Variants in TMEM45A observed in about 807,000 individuals in gnomAD.
The protein encoded by TMEM45A is DNA polymerase-transactivated protein 4.
In TMEM45A, 25 loss-of-function variants were observed where a neutral mutation model predicts 32.0. The observed-to-expected ratio is 0.78, with a 90% CI of 0.57 to 1.09. TMEM45A has a LOEUF of 1.09. Ranked by LOEUF, TMEM45A falls within the 50% of genes least tolerant of loss-of-function variation. The pLI is 0.00. For synonymous variants in TMEM45A, 122 were observed against 114.8 expected, an observed-to-expected ratio of 1.06 and a Z score of -0.40; for missense variants, 302 against 325.0, an observed-to-expected ratio of 0.93 and a Z score of 0.54.
intron 3 of TMEM45A, among the ~76,000 whole-genome samples, chr3:100,557,651 C>G (rs537703440): frequency 1.3e-5 from 2 of 152,176 alleles, no homozygotes; most frequent in South Asian, 2.1e-4. Context: ...TTCCTACTCA[C>G]CTTGCCTCTG....
At chr3:100,557,028 G>T (rs1706236318) in intron 3 of TMEM45A, 56 bp downstream of exon 3, 1 of 1,544,352 alleles carries the variant, frequency 6.5e-7, no homozygotes, top group African/African-American at 1.4e-5. Context: ...CATTTATGTA[G>T]CCCTTCATAT....
intron 1 of TMEM45A, among the ~76,000 whole-genome samples, chr3:100,526,451 A>G (rs1705546026): frequency 6.6e-6 from 1 of 152,166 alleles, no homozygotes; most frequent in Non-Finnish European, 1.5e-5. Context: ...AATATTAACA[A>G]CAGCTCAGGT....
chr3:100,500,431 T>C (rs1707993145), intron 1 of TMEM45A, among the ~76,000 whole-genome samples: 1 of 151,588 alleles, frequency 6.6e-6, no homozygotes, highest in South Asian at 2.1e-4. Flanking sequence ...AATGTTCTTT[T>C]TCTATAACAC....
chr3:100,576,862 C>T lies in TMEM45A; in HGVS notation c.735-63C>T, dbSNP rs114238112. On this transcript the variant is annotated intron_variant, in intron 5 of 5. Transcript: ENST00000323523. ...TCTAGACTTTGTGGTATAATGGGTG[C>T]ATATTGCTCTGGGTTTCTATTTTAA... 986 of 1,168,630 alleles carry T rather than the reference C, an allele frequency of 8.4e-4. 9 individuals carry two copies. The African/African-American group carries it at 0.014, about 16-fold the overall frequency. 72.4% of individuals were successfully genotyped at this position (1,168,630 alleles called of 1,614,324 possible).
intron 1 of TMEM45A, among the ~76,000 whole-genome samples, chr3:100,518,712 G>A (rs1705350635): frequency 6.6e-6 from 1 of 152,206 alleles, no homozygotes; most frequent in African/African-American, 2.4e-5. Context: ...AGACTCAGGT[G>A]AGGGGTGCAG....
chr3:100,531,384 CATT>C (rs1430620324), intron 1 of TMEM45A, among the ~76,000 whole-genome samples: 1 of 152,014 alleles, frequency 6.6e-6, no homozygotes, highest in African/African-American at 2.4e-5. Flanking sequence ...GATTGAGAAA[CATT>C]ATAAGTATAT....
intron 4 of TMEM45A, among the ~76,000 whole-genome samples, chr3:100,564,240 A>C (rs1706384130): frequency 6.6e-6 from 1 of 152,216 alleles, no homozygotes; most frequent in Non-Finnish European, 1.5e-5. Flanking sequence ...AATAAAATGC[A>C]TTGGGCCAGG....
chr3:100,576,859 G>T, intron 5 of TMEM45A, 66 bp from the exon 6 acceptor site: 1 of 1,149,422 alleles, frequency 8.7e-7, no homozygotes, highest in Non-Finnish European at 1.3e-6. Flanking sequence ...GGTATAATGG[G>T]TGCATATTGC....
At chr3:100,538,415 T>C (rs1705785826) in intron 1 of TMEM45A, among the ~76,000 whole-genome samples, 1 of 152,128 alleles carries the variant, frequency 6.6e-6, no homozygotes, top group Non-Finnish European at 1.5e-5. Context: ...CTTTCTCAAC[T>C]TGATACAGAA....
rs192410297 is a variant in TMEM45A at position 100,512,443 on chromosome 3, C to T, written c.-4+19515C>T. On this transcript the variant is annotated intron_variant, in intron 1 of 5. Coordinates refer to ENST00000323523, the MANE Select transcript of TMEM45A (RefSeq NM_018004.3). ...GAAACCAACCAGAACAAAGACACAA[C>T]ATACCAGAATCTCTGGGGCACATTC... Among the ~76,000 whole-genome samples the T allele has an allele frequency of 9.7e-3, 1,476 of 152,296 alleles. 15 individuals are homozygous for T. Among genetic ancestry groups the T allele is most frequent in the Middle Eastern group, 0.017 (5 of 294 alleles).
chr3:100,561,140 A>AG (rs1349795956), intron 4 of TMEM45A, among the ~76,000 whole-genome samples: 2 of 152,196 alleles, frequency 1.3e-5, no homozygotes, highest in Non-Finnish European at 2.9e-5. Flanking sequence ...GTTTAGCCAT[A>AG]GTGACATTCC....
intron 1 of TMEM45A, among the ~76,000 whole-genome samples, chr3:100,548,228 C>G (rs925077037): frequency 1.3e-5 from 2 of 152,136 alleles, no homozygotes; most frequent in South Asian, 2.1e-4. Flanking sequence ...TGAACACATC[C>G]GGGCTTATGA....
chr3:100,527,391 C>T (rs1038717655), intron 1 of TMEM45A, among the ~76,000 whole-genome samples: 8 of 152,152 alleles, frequency 5.3e-5, no homozygotes, highest in African/African-American at 1.9e-4. Flanking sequence ...CCATCATTCT[C>T]AGCTACCCTC....
intron 1 of TMEM45A, among the ~76,000 whole-genome samples, chr3:100,518,502 T>C (rs1705346927): frequency 6.6e-6 from 1 of 152,238 alleles, no homozygotes; most frequent in Admixed American, 6.5e-5. Flanking sequence ...GAAGTCATTT[T>C]TAAAATCTTG....
intron 4 of TMEM45A, among the ~76,000 whole-genome samples, chr3:100,558,948 T>G (rs1261299834): frequency 6.6e-6 from 1 of 152,218 alleles, no homozygotes; most frequent in South Asian, 2.1e-4. Flanking sequence ...TATTGAGAAA[T>G]AACTATGTGT....
intron 4 of TMEM45A, among the ~76,000 whole-genome samples, chr3:100,566,129 C>G (rs1336368587): frequency 6.6e-6 from 1 of 151,896 alleles, no homozygotes; most frequent in African/African-American, 2.4e-5. Context: ...GATTGATAGT[C>G]CCTTGTATGA....
chr3:100,542,715 T>C (rs567399374), intron 1 of TMEM45A, among the ~76,000 whole-genome samples: 7 of 152,288 alleles, frequency 4.6e-5, no homozygotes, highest in Admixed American at 4.6e-4. Flanking sequence ...TAAAAAGGAA[T>C]GAAAATCATG....
chr3:100,504,916 T>C (rs1470852779), intron 1 of TMEM45A, among the ~76,000 whole-genome samples: 1 of 152,244 alleles, frequency 6.6e-6, no homozygotes, highest in Non-Finnish European at 1.5e-5. Context: ...GAACTCAGCC[T>C]GAAGATGCCT....
chr3:100,499,759 C>T (rs760990737), intron 1 of TMEM45A, among the ~76,000 whole-genome samples: 1 of 152,116 alleles, frequency 6.6e-6, no homozygotes, highest in Non-Finnish European at 1.5e-5. Flanking sequence ...TGCCTGTAAT[C>T]CCAGCTACTT....
Sources: allele counts gnomAD v4.1 joint callset (sites outside exome capture counted in the v4.1 genomes callset), GRCh38; gene constraint gnomAD v4.1.1; transcripts MANE v1.5; gene names NCBI Gene and HGNC (gene_info 2026-07-23, HGNC 2026-07-21).